OPTN: variants seen among roughly 807,000 people sequenced by gnomAD.
OPTN encodes the protein optineurin, also known as E3-14.7K-interacting protein.
Under a neutral mutation model 70.4 loss-of-function variants are expected in OPTN, and 54 were observed. That is an observed-to-expected ratio of 0.77 (90% CI 0.62 to 0.96). The LOEUF (loss-of-function observed/expected upper bound fraction) is 0.96. Among genes scored for constraint, OPTN ranks in the 40% least tolerant of loss-of-function variants. OPTN has a pLI of 0.00. For synonymous variants in OPTN, 256 were observed against 248.5 expected (o/e 1.03, Z -0.28); for missense variants, 624 against 673.2 (o/e 0.93, Z 0.81).
At position 13,132,175 on chromosome 10, in the gene OPTN, G is replaced by T. The variant is rs774816761; in HGVS notation, c.1510G>T (p.Asp504Tyr). ...LQLAVLLKENDAFEDGGRQSL... is the reference protein window; with the variant it reads ...LQLAVLLKENYAFEDGGRQSL... The stretch of plus-strand genomic sequence containing the variant: ...GCTGGCAGTTCTGCTGAAAGAGAAT[G>T]ATGCTTTCGAAGACGGAGGCAGGTA... The change falls in exon 13 of 15, where the codon GAT becomes TAT. Residue 504 changes from aspartate (D) to tyrosine (Y), a missense_variant. Transcript: ENST00000378747. 2.5e-6 allele frequency: 4 copies of T among 1,613,170 alleles called. No homozygotes were observed. The Admixed American group carries it at 6.7e-5, about 27-fold the overall frequency.
At chr10:13,119,099 AT>A (rs777009778) in intron 7 of OPTN, 59 bp downstream of exon 7, 1 of 1,456,852 alleles carries the variant, frequency 6.9e-7, no homozygotes, top group Non-Finnish European at 9.6e-7. Context: ...CTGAGATATA[AT>A]TAAGATACCA....
intron 5 of OPTN, among the ~76,000 whole-genome samples, chr10:13,114,792 A>ATACGT (rs1833095052): frequency 1.9e-5 from 2 of 104,088 alleles, no homozygotes; most frequent in African/African-American, 7.5e-5. Context: ...ATAATTATAT[A>ATACGT]ATTATATATA....
intron 12 of OPTN, 31 bp from the exon 13 acceptor site, chr10:13,132,036 C>T (rs372820478): frequency 1.9e-6 from 3 of 1,606,130 alleles, no homozygotes; most frequent in East Asian, 4.5e-5. Flanking sequence ...CATCTAGGTA[C>T]TAACTTCTGT....
chr10:13,110,166 A>T (rs543054978), intron 3 of OPTN, 108 bp from the exon 4 acceptor site: 8 of 1,555,388 alleles, frequency 5.1e-6, no homozygotes, highest in Non-Finnish European at 7.0e-6. Flanking sequence ...TAAGCATGGC[A>T]TCTTTCAATT....
intron 11 of OPTN, 74 bp from the exon 12 acceptor site, chr10:13,127,670 AC>A: frequency 6.7e-7 from 1 of 1,490,124 alleles, no homozygotes; most frequent in African/African-American, 1.4e-5. Context: ...AAAAAAATAA[AC>A]CTTTTTCTAA....
At chr10:13,127,963 G>A in intron 12 of OPTN, 60 bp downstream of exon 12, 2 of 1,529,596 alleles carry the variant, frequency 1.3e-6, no homozygotes, top group Non-Finnish European at 1.8e-6. Flanking sequence ...TTCTCGCATT[G>A]GAAAGCAATG....
At chr10:13,118,196 G>A (rs1340974023) in intron 6 of OPTN, among the ~76,000 whole-genome samples, 5 of 152,208 alleles carry the variant, frequency 3.3e-5, no homozygotes, top group East Asian at 1.9e-4. Context: ...TGGAAACCGG[G>A]ATTTAATCCT....
rs1564358952 is a variant in OPTN at position 13,114,851 on chromosome 10, TA to T, written c.553-1414del. 4.2e-4 allele frequency among the ~76,000 whole-genome samples: 32 copies of T among 75,960 alleles called. 6 individuals carry two copies. The highest frequency in any genetic ancestry group is 1.7e-3 in the Admixed American group (8 of 4,846). 49.8% of individuals were successfully genotyped at this position (75,960 alleles called of 152,430 possible). ...ATAATTATATAATTATATAATTGTA[TA>T]ATATATTCTACAATTATATAATTGT... On this transcript the variant is annotated intron_variant, in intron 5 of 14. Coordinates refer to ENST00000378747, the MANE Select transcript of OPTN (RefSeq NM_001008212.2).
Position 13,125,934 on chromosome 10 carries a change from C to CT in OPTN, c.1149-6dup, listed in dbSNP as rs763425490. Reference sequence around the variant, plus strand: ...TCCCCAGGATTCCATTTTTTAATATCTTTTTTAATAGGTCCAAATTAACTG... The same window carrying CT: ...TCCCCAGGATTCCATTTTTTAATATCTTTTTTTAATAGGTCCAAATTAACTG... On this transcript the variant is annotated splice_polypyrimidine_tract_variant and intron_variant, in intron 10 of 14. Coordinates refer to ENST00000378747, the MANE Select transcript of OPTN (RefSeq NM_001008212.2). 6.3e-7 allele frequency: 1 copy of CT among 1,583,104 alleles called. No individual in the cohort carries two copies. Among genetic ancestry groups the CT allele is most frequent in the Non-Finnish European group, 8.7e-7 (1 of 1,152,114 alleles).
chr10:13,125,898 C>T, intron 10 of OPTN, 48 bp from the exon 11 acceptor site: 7 of 1,366,640 alleles, frequency 5.1e-6, no homozygotes, highest in Non-Finnish European at 7.3e-6. Context: ...CTATAAGTTT[C>T]TATGATATTT....
chr10:13,115,817 T>C (rs918409499), intron 5 of OPTN, among the ~76,000 whole-genome samples: 1 of 151,636 alleles, frequency 6.6e-6, no homozygotes, highest in African/African-American at 2.4e-5. Flanking sequence ...TTGGCCAAGA[T>C]GGTGCTTTGT....
In OPTN at chr10:13,128,420, A is replaced by C. The variant is rs7919764; in HGVS notation, c.1401+517A>C. Among the ~76,000 whole-genome samples, 802 of 145,018 alleles carry C rather than the reference A, an allele frequency of 5.5e-3. 7 individuals are homozygous for C. Among genetic ancestry groups the C allele is most frequent in the African/African-American group, 0.02 (758 of 38,604 alleles). ...ATCTCATTTAATTTGCATTTCCCTG[A>C]TCACTAATGGGAAAGAGTACTTTTT... On this transcript the variant is annotated intron_variant, in intron 12 of 14. Coordinates refer to ENST00000378747, the MANE Select transcript of OPTN (RefSeq NM_001008212.2).
chr10:13,135,684 A>G (rs1833684084), intron 14 of OPTN, among the ~76,000 whole-genome samples: 3 of 151,986 alleles, frequency 2.0e-5, no homozygotes, highest in Admixed American at 2.0e-4. Context: ...AACAAATGAG[A>G]TGATTGCCTC....
intron 11 of OPTN, 95 bp from the exon 12 acceptor site, chr10:13,127,650 G>A: frequency 7.3e-7 from 1 of 1,362,860 alleles, no homozygotes; most frequent in Non-Finnish European, 1.0e-6. Flanking sequence ...CCCGGCCAGA[G>A]CTGATAATTA....
chr10:13,133,603 A>AT, intron 14 of OPTN, 22 bp downstream of exon 14: 1 of 1,602,056 alleles, frequency 6.2e-7, no homozygotes, highest in Admixed American at 1.7e-5. Flanking sequence ...GTGATCCTGG[A>AT]TTTTCAGGAA....
rs538280633 is a variant in OPTN at position 13,137,172 on chromosome 10, G to A, written c.*306G>A. Reference sequence around the variant, plus strand: ...CGCATGCCTGTAGTCGCAGCTACTCGCGAGGTTGAGGCAGGAGAATTGCTT... The same window carrying A: ...CGCATGCCTGTAGTCGCAGCTACTCACGAGGTTGAGGCAGGAGAATTGCTT... On this transcript the variant is annotated 3_prime_UTR_variant, in exon 15 of 15. Coordinates refer to ENST00000378747, the MANE Select transcript of OPTN (RefSeq NM_001008212.2). 1.2e-5 allele frequency: 5 copies of A among 430,618 alleles called. No individual in the cohort carries two copies. The highest frequency in any genetic ancestry group is 4.2e-5 in the South Asian group (2 of 47,242). The allele number at this position is 430,618 out of a possible 1,614,324, so 26.7% of individuals were successfully genotyped here.
intron 9 of OPTN, among the ~76,000 whole-genome samples, chr10:13,124,552 C>T (rs1833420029): frequency 1.3e-5 from 2 of 152,162 alleles, no homozygotes; most frequent in African/African-American, 4.8e-5. Context: ...GTAGATTGAG[C>T]GTTTGGCATT....
chr10:13,131,031 T>G (rs1833583302), intron 12 of OPTN, among the ~76,000 whole-genome samples: 1 of 152,174 alleles, frequency 6.6e-6, no homozygotes, highest in Non-Finnish European at 1.5e-5. Context: ...GTGATCCTCG[T>G]GCCTCAGCCT....
At chr10:13,128,223 G>A (rs1324149787) in intron 12 of OPTN, among the ~76,000 whole-genome samples, 1 of 152,102 alleles carries the variant, frequency 6.6e-6, no homozygotes, top group African/African-American at 2.4e-5. Context: ...GGAGTCGCTG[G>A]ATCATAGGCT....
Sources: gnomAD v4.1 joint callset for allele counts (sites outside exome capture counted in the v4.1 genomes callset) on GRCh38, gnomAD v4.1.1 for gene constraint, MANE v1.5 for transcripts, NCBI Gene and HGNC (gene_info 2026-07-23, HGNC 2026-07-21) for gene names.